SNX24: variants seen among roughly 807,000 people sequenced by gnomAD.
The protein encoded by SNX24 is sorting nexin-24.
In SNX24, 22 loss-of-function variants were observed where a neutral mutation model predicts 28.7. The observed-to-expected ratio is 0.77, with a 90% confidence interval of 0.55 to 1.10. The LOEUF is 1.10. Ranked by LOEUF, SNX24 falls within the 50% of genes least tolerant of loss-of-function variation. SNX24 has a pLI of 0.00. For missense variants in SNX24, 221 were observed against 201.1 expected (o/e 1.10, Z -0.60); for synonymous variants, 69 against 71.5 (o/e 0.96, Z 0.18).
intron 3 of SNX24, among the ~76,000 whole-genome samples, chr5:122,993,067 A>G (rs997220001): frequency 6.6e-5 from 10 of 151,592 alleles, no homozygotes; most frequent in African/African-American, 2.4e-4. Context: ...CGTTTAGTGC[A>G]GGTCCTCAGA....
At chr5:123,006,775 C>A (rs1371716174) in intron 6 of SNX24, among the ~76,000 whole-genome samples, 2 of 152,210 alleles carry the variant, frequency 1.3e-5, no homozygotes, top group Non-Finnish European at 2.9e-5. Context: ...CTCTGCCTAC[C>A]CCTAGCCTCT....
intron 1 of SNX24, among the ~76,000 whole-genome samples, chr5:122,935,415 T>C (rs1187483057): frequency 6.6e-6 from 1 of 152,176 alleles, no homozygotes; most frequent in African/African-American, 2.4e-5. Context: ...GTTTGAAGCA[T>C]ATGCATATGG....
chr5:122,898,250 C>A (rs1383070324), intron 1 of SNX24, among the ~76,000 whole-genome samples: 1 of 152,196 alleles, frequency 6.6e-6, no homozygotes, highest in Non-Finnish European at 1.5e-5. Flanking sequence ...AGTCTTAAAT[C>A]ATCTTCAACC....
intron 5 of SNX24, chr5:123,022,318 G>T (rs1762772421): frequency 6.6e-6 from 1 of 152,136 alleles, no homozygotes; most frequent in Admixed American, 6.5e-5. Context: ...ATACAACTCG[G>T]TGAGATGGAT....
At chr5:122,975,040 T>C (rs1442969283) in intron 3 of SNX24, among the ~76,000 whole-genome samples, 1 of 152,208 alleles carries the variant, frequency 6.6e-6, no homozygotes, top group East Asian at 1.9e-4. Context: ...ACCACAATGA[T>C]GTTTTGGGCC....
At chr5:122,884,875 G>A (rs1261076728) in intron 1 of SNX24, among the ~76,000 whole-genome samples, 2 of 152,126 alleles carry the variant, frequency 1.3e-5, no homozygotes, top group African/African-American at 4.8e-5. Flanking sequence ...ATGCACAGCT[G>A]GTCAGAAAAA....
intron 3 of SNX24, among the ~76,000 whole-genome samples, chr5:122,994,105 G>A (rs1334335220): frequency 1.3e-5 from 2 of 152,112 alleles, no homozygotes; most frequent in Admixed American, 6.5e-5. Flanking sequence ...TCAAATCAGT[G>A]AAAACAACAC....
chr5:123,024,450 G>A (rs1194724001), intron 5 of SNX24, among the ~76,000 whole-genome samples: 1 of 152,140 alleles, frequency 6.6e-6, no homozygotes, highest in South Asian at 2.1e-4. Context: ...TTCAGAAATG[G>A]ACCTAGTTCT....
intron 1 of SNX24, chr5:122,891,173 T>C (rs1266011458): frequency 7.1e-7 from 1 of 1,408,140 alleles, no homozygotes; most frequent in Non-Finnish European, 9.3e-7. Context: ...TTGTTTTTTG[T>C]TTTTTTTCCT....
At chr5:122,911,241 G>C (rs28794022) in intron 1 of SNX24, among the ~76,000 whole-genome samples, 3,986 of 152,216 alleles carry the variant, frequency 0.026, 69 homozygotes, top group Non-Finnish European at 0.037. Flanking sequence ...ATTTTTTCAT[G>C]TGTCTTTTGG....
intron 1 of SNX24, among the ~76,000 whole-genome samples, chr5:122,925,761 A>G (rs1758667946): frequency 6.6e-6 from 1 of 152,178 alleles, no homozygotes; most frequent in African/African-American, 2.4e-5. Context: ...GTTTATACAT[A>G]TTCTTCCCAA....
intron 5 of SNX24, among the ~76,000 whole-genome samples, chr5:123,020,753 A>C (rs973770613): frequency 1.8e-5 from 1 of 54,260 alleles, no homozygotes; most frequent in South Asian, 3.4e-4. Flanking sequence ...TGGACACAGC[A>C]GCTAAATGAT....
At chr5:122,882,631 G>A (rs753559213) in intron 1 of SNX24, among the ~76,000 whole-genome samples, 9 of 152,124 alleles carry the variant, frequency 5.9e-5, no homozygotes, top group Non-Finnish European at 1.0e-4. Context: ...TGGGGACACA[G>A]TCATTTTTTC....
intron 1 of SNX24, among the ~76,000 whole-genome samples, chr5:122,894,788 C>G (rs1214807983): frequency 6.6e-6 from 1 of 152,196 alleles, no homozygotes; most frequent in Non-Finnish European, 1.5e-5. Context: ...TAAGTATAAT[C>G]TGGATGCTCC....
intron 1 of SNX24, among the ~76,000 whole-genome samples, chr5:122,910,564 C>T (rs1451314606): frequency 1.3e-5 from 2 of 150,232 alleles, no homozygotes; most frequent in African/African-American, 4.9e-5. Context: ...GTGTGCTGCA[C>T]CCATTAACTC....
chr5:122,886,829 CAA>C (rs879293876), intron 1 of SNX24, among the ~76,000 whole-genome samples: 1 of 140,006 alleles, frequency 7.1e-6, no homozygotes. Context: ...GACTCTGACT[CAA>C]AAAAAAAAAA....
At position 122,985,895 on chromosome 5, in the gene SNX24, C is replaced by T. The variant is rs190641839; in HGVS notation, c.250-14017C>T. Among the ~76,000 whole-genome samples the T allele has an allele frequency of 5.9e-5, 9 of 152,348 alleles. No homozygotes were observed. The East Asian group carries it at 7.7e-4, about 13-fold the overall frequency. ...CTGCAGAGATACAGTGATGATGAGGCGGACTCAGCCCTGCCCTCTTGGAGC... is the reference window on the plus strand; with the variant it reads ...CTGCAGAGATACAGTGATGATGAGGTGGACTCAGCCCTGCCCTCTTGGAGC... On this transcript the variant is annotated intron_variant, in intron 3 of 6. Coordinates refer to ENST00000261369, the MANE Select transcript of SNX24 (RefSeq NM_014035.4).
chr5:122,980,037 T>A (rs1761329277), intron 3 of SNX24, among the ~76,000 whole-genome samples: 1 of 152,218 alleles, frequency 6.6e-6, no homozygotes, highest in Admixed American at 6.5e-5. Context: ...GTGGGTTTTT[T>A]CCTTCCTTTT....
At chr5:122,953,616 A>C (rs30074) in intron 3 of SNX24, among the ~76,000 whole-genome samples, 2 of 151,856 alleles carry the variant, frequency 1.3e-5, no homozygotes, top group Non-Finnish European at 2.9e-5. Flanking sequence ...ACATCCCTCC[A>C]TTCTTCAGTA....
Sources: allele counts gnomAD v4.1 joint callset (sites outside exome capture counted in the v4.1 genomes callset), GRCh38; gene constraint gnomAD v4.1.1; transcripts MANE v1.5; gene names NCBI Gene and HGNC (gene_info 2026-07-23, HGNC 2026-07-21).